NFE2L1: variants seen among roughly 807,000 people sequenced by gnomAD.
NFE2L1 encodes the protein endoplasmic reticulum membrane sensor NFE2L1.
In NFE2L1, 18 loss-of-function variants were observed where a neutral mutation model predicts 61.6. The observed-to-expected ratio is 0.29, with a 90% CI of 0.20 to 0.43. NFE2L1 has a LOEUF of 0.43. NFE2L1 is among the 20% of genes least tolerant of loss of function. The probability of loss-of-function intolerance (pLI) is 1.00; values close to 1 mark genes in which losing one functional copy is unlikely to be tolerated. For missense variants in NFE2L1, 827 were observed against 973.5 expected (o/e 0.85, Z 2.00); for synonymous variants, 419 against 402.7 (o/e 1.04, Z -0.48).
intron 2 of NFE2L1, 125 bp downstream of exon 2, chr17:48,051,753 G>C: frequency 8.1e-7 from 1 of 1,229,260 alleles, no homozygotes; most frequent in Non-Finnish European, 1.1e-6. Context: ...CTCAGGCACT[G>C]TTCTTGGGTA....
At chr17:48,050,543 T>A in intron 1 of NFE2L1, 64 bp from the exon 2 acceptor site, 1 of 404,916 alleles carries the variant, frequency 2.5e-6, no homozygotes, top group Non-Finnish European at 4.4e-6. Flanking sequence ...AAGGTTTTCC[T>A]ACCCTGATCA....
Position 48,051,167 on chromosome 17 carries a change from A to G in NFE2L1, c.49A>G (p.Ile17Val), listed in dbSNP as rs2037238864. ...AACGGAAGGACTTCTCCAGTTCACC[A>G]TTCTGCTGAGTTTGATTGGGGTACG... Reference protein sequence around the residue: ...YLTEGLLQFTILLSLIGVRVD... With the variant: ...YLTEGLLQFTVLLSLIGVRVD... Residue 17 changes from isoleucine to valine, a missense_variant, in exon 2 of 6, where the codon ATT becomes GTT. Ile to Val is a conservative substitution (Grantham distance 29, BLOSUM62 3). Transcript: ENST00000362042. The G allele has an allele frequency of 6.2e-7, 1 of 1,614,032 alleles. No homozygotes were observed. Among genetic ancestry groups the G allele is most frequent in the South Asian group, 1.1e-5 (1 of 91,084 alleles).
intron 2 of NFE2L1, among the ~76,000 whole-genome samples, chr17:48,053,126 C>T (rs1198646096): frequency 6.6e-6 from 1 of 152,136 alleles, no homozygotes; most frequent in Non-Finnish European, 1.5e-5. Flanking sequence ...GGGTAGCTCC[C>T]CCAGGGGTGG....
rs764894409 is a variant in NFE2L1 at position 48,051,310 on chromosome 17, C to G, written c.192C>G (p.Gly64=). Residue 64 remains glycine, a synonymous_variant, in exon 2 of 6, where the codon GGC becomes GGG. Transcript: ENST00000362042. Reference sequence around the variant, plus strand: ...ACAACCTGAGGAATACCTTGGATGGCTATGGTATCCACCCCAAGAGCATAG... The same window carrying G: ...ACAACCTGAGGAATACCTTGGATGGGTATGGTATCCACCCCAAGAGCATAG... ...QFHNLRNTLD[G]YGIHPKSIDL... is the part of the protein sequence containing the mutation. The G allele has an allele frequency of 1.2e-6, 2 of 1,613,992 alleles. No homozygotes were observed. Among genetic ancestry groups the G allele is most frequent in the Non-Finnish European group, 1.7e-6 (2 of 1,180,038 alleles).
chr17:48,057,653 T>C, intron 5 of NFE2L1, 151 bp downstream of exon 5: 1 of 1,026,546 alleles, frequency 9.7e-7, no homozygotes, highest in African/African-American at 1.6e-5. Context: ...TGTCCAGGTG[T>C]GTCCTTGGGG....
rs2037488755 is a variant in NFE2L1 at position 48,059,372 on chromosome 17, C to T, written c.2050C>T (p.Arg684Cys). Residue 684 changes from arginine (R) to cysteine (C), a missense_variant, in exon 6 of 6, where the codon CGT becomes TGT. Around this residue, in one of 3 missense-constraint regions of NFE2L1, gnomAD observed 74 missense variants for 127.8 expected, o/e 0.58. Coordinates refer to ENST00000362042, the MANE Select transcript of NFE2L1 (RefSeq NM_003204.3). The surrounding 1 kb of genome is among the most constrained non-coding windows in gnomAD (Gnocchi z 6.1). ...GCTGGACACCATCCTGAATCTGGAGCGTGATGTGGAGGACCTGCAGCGTGA... is the reference window on the plus strand; with the variant it reads ...GCTGGACACCATCCTGAATCTGGAGTGTGATGTGGAGGACCTGCAGCGTGA... ...RKLDTILNLE[R>C]DVEDLQRDKA... The T allele has an allele frequency of 2.5e-6, 4 of 1,614,160 alleles. No individual in the cohort carries two copies. Among genetic ancestry groups the T allele is most frequent in the Non-Finnish European group, 3.4e-6 (4 of 1,180,034 alleles).
rs747347847 is a variant in NFE2L1, at chr17:48,059,057, A to G, written c.1735A>G (p.Met579Val). Residue 579 changes from methionine to valine, a missense_variant, in exon 6 of 6, where the codon ATG (methionine) becomes GTG (valine). By Grantham distance (21) the Met-to-Val change is conservative (BLOSUM62 1). Transcript: ENST00000362042. The surrounding 1 kb of genome is among the most constrained non-coding windows in gnomAD (Gnocchi z 6.1). ...EHVGHNHTYNMAPSALDSADL... is the reference protein window; with the variant it reads ...EHVGHNHTYNVAPSALDSADL... ...CGTGGGCCACAACCACACATACAAC[A>G]TGGCACCCAGTGCCCTGGACTCAGC... 57 of 1,613,876 alleles carry G rather than the reference A, an allele frequency of 3.5e-5. No individual in the cohort carries two copies. Among genetic ancestry groups the G allele is most frequent in the Non-Finnish European group, 4.7e-5 (56 of 1,180,004 alleles).
At position 48,050,613 on chromosome 17, in the gene NFE2L1, C is replaced by G; in HGVS notation, c.-506C>G. The G allele has an allele frequency of 2.4e-6, 1 of 408,708 alleles. No homozygotes were observed. Among genetic ancestry groups the G allele is most frequent in the Non-Finnish European group, 4.3e-6 (1 of 230,978 alleles). 25.3% of individuals were successfully genotyped at this position (408,708 alleles called of 1,614,324 possible). A position where few individuals can be genotyped will look rare whatever the true frequency, so the allele number is the denominator to read the frequency against. On this transcript the variant is annotated 5_prime_UTR_variant, in exon 2 of 6. Transcript: ENST00000362042. ...TTTGTGATTCCCATTTCAGGTTTCT[C>G]TGGAAACCCCCCTGGTAAGTGTGGA... is the stretch of plus-strand genomic sequence containing the variant.
At position 48,050,128 on chromosome 17, in the gene NFE2L1, G is replaced by A. The variant is rs184057508; in HGVS notation, c.-512-479G>A. ...TTTCTTTGATAGTTCTTCTATGATCGGTTGCTATATTTTGGGTTTTTTTTC... is the reference window on the plus strand; with the variant it reads ...TTTCTTTGATAGTTCTTCTATGATCAGTTGCTATATTTTGGGTTTTTTTTC... On this transcript the variant is annotated intron_variant, in intron 1 of 5. Transcript: ENST00000362042. Among the ~76,000 whole-genome samples, 130 of 152,280 alleles carry A rather than the reference G, an allele frequency of 8.5e-4. No individual in the cohort carries two copies. The South Asian group carries it at 9.9e-3, about 12-fold the overall frequency.
rs1358620562 is a variant in NFE2L1, at chr17:48,059,856, C to CG, written c.*217dup. 1 of 626,666 alleles carries CG rather than the reference C, an allele frequency of 1.6e-6. No individual in the cohort carries two copies. Among genetic ancestry groups the CG allele is most frequent in the East Asian group, 2.9e-5 (1 of 34,704 alleles). 38.8% of individuals were successfully genotyped at this position (626,666 alleles called of 1,614,324 possible). On this transcript the variant is annotated 3_prime_UTR_variant, in exon 6 of 6. Transcript: ENST00000362042. This position sits in a 1 kb window ranked among gnomAD's most constrained non-coding sequence, Gnocchi z 6.1. ...AGTGGAAGTGGCCAGACCATTTAGACGGACAGGGTCCTCACCCTACCCCTT... is the reference window on the plus strand; with the variant it reads ...AGTGGAAGTGGCCAGACCATTTAGACGGGACAGGGTCCTCACCCTACCCCTT...
At chr17:48,053,735 G>A (rs2037315424) in intron 2 of NFE2L1, among the ~76,000 whole-genome samples, 1 of 152,190 alleles carries the variant, frequency 6.6e-6, no homozygotes, top group Admixed American at 6.5e-5. Flanking sequence ...AACCAATCCA[G>A]GGAGTCTGAA....
At chr17:48,056,037 A>C in intron 2 of NFE2L1, 1 of 250,326 alleles carries the variant, frequency 4.0e-6, no homozygotes, top group Non-Finnish European at 7.8e-6. Context: ...CCCCAAAGCT[A>C]GAGGTGTCTC....
chr17:48,051,705 C>G lies in NFE2L1; in HGVS notation c.510+77C>G. 5 of 1,521,010 alleles carry G rather than the reference C, an allele frequency of 3.3e-6. No individual in the cohort carries two copies. The South Asian group carries it at 5.1e-5, about 16-fold the overall frequency. The allele number at this position is 1,521,010 out of a possible 1,614,324, so 94.2% of individuals were successfully genotyped here. On this transcript the variant is annotated intron_variant, in intron 2 of 5. Transcript: ENST00000362042. ...GTCCCAAAGGATTGTGGTCAGAACACTGAGCCCTGTAAAGAGCCAGACAGG... is the reference window on the plus strand; with the variant it reads ...GTCCCAAAGGATTGTGGTCAGAACAGTGAGCCCTGTAAAGAGCCAGACAGG...
At position 48,051,024 on chromosome 17, in the gene NFE2L1, G is replaced by A. The variant is rs757195272; in HGVS notation, c.-95G>A. On this transcript the variant is annotated 5_prime_UTR_variant, in exon 2 of 6. Transcript: ENST00000362042. ...GGTACGGGGTTTGACACTGAGGAGG[G>A]TAACCTGCTGGCTGGAGCGGCAGAG... The A allele has an allele frequency of 1.3e-6, 2 of 1,507,076 alleles. No homozygotes were observed. The highest frequency in any genetic ancestry group is 1.8e-6 in the Non-Finnish European group (2 of 1,098,936). The allele number at this position is 1,507,076 out of a possible 1,614,324, so 93.4% of individuals were successfully genotyped here.
In NFE2L1 at chr17:48,058,447, C is replaced by T; in HGVS notation, c.1125C>T (p.Phe375=). The part of the protein sequence containing the change: ...QASLGGCSQD[F]LLFSPEVESL... ...CCCTGGGGGGCTGCAGCCAGGACTT[C>T]TTACTCTTCAGCCCCGAGGTGGAAA... Residue 375 remains phenylalanine, a synonymous_variant, in exon 6 of 6, where the codon TTC becomes TTT. Transcript: ENST00000362042. The T allele has an allele frequency of 9.9e-6, 16 of 1,614,186 alleles. No homozygotes were observed. The highest frequency in any genetic ancestry group is 2.2e-5 in the East Asian group (1 of 44,894).
Position 48,061,496 on chromosome 17 carries a change from T to C in NFE2L1, c.*1855T>C, listed in dbSNP as rs2037546972. 1 of 152,224 alleles carries C rather than the reference T, an allele frequency of 6.6e-6. No individual in the cohort carries two copies. Among genetic ancestry groups the C allele is most frequent in the Non-Finnish European group, 1.5e-5 (1 of 68,050 alleles). 9.4% of individuals were successfully genotyped at this position (152,224 alleles called of 1,614,324 possible). ...GGATGATTCATTCTTAAGTGCACTT[T>C]TTCCCCACTTTGAATTTAAATTGAG... On this transcript the variant is annotated 3_prime_UTR_variant, in exon 6 of 6. Transcript: ENST00000362042.
chr17:48,049,607 G>A (rs1376896689), intron 1 of NFE2L1, among the ~76,000 whole-genome samples: 2 of 152,168 alleles, frequency 1.3e-5, no homozygotes, highest in African/African-American at 4.8e-5. Context: ...TGTTCAGGCT[G>A]GTCTCAAACT....
chr17:48,056,882 CTGT>C, intron 3 of NFE2L1, 147 bp from the exon 4 acceptor site: 1 of 769,840 alleles, frequency 1.3e-6, no homozygotes, highest in Non-Finnish European at 2.1e-6. Context: ...TCACTCTCTT[CTGT>C]TGTTTCTGGG....
chr17:48,058,525 T>C lies in NFE2L1; in HGVS notation c.1203T>C (p.Ser401=), dbSNP rs1446888923. Residue 401 remains serine, a synonymous_variant, in exon 6 of 6, where the codon TCT becomes TCC. Coordinates refer to ENST00000362042, the MANE Select transcript of NFE2L1 (RefSeq NM_003204.3). Reference sequence around the variant, plus strand: ...TGCTCCCGTTGGCCCCCAGCAATTCTACCAGCCTCAACTCCACCTTCGGCT... The same window carrying C: ...TGCTCCCGTTGGCCCCCAGCAATTCCACCAGCCTCAACTCCACCTTCGGCT... The part of the protein sequence containing the change: ...STLLPLAPSN[S]TSLNSTFGST... The C allele has an allele frequency of 1.2e-6, 2 of 1,613,270 alleles. No homozygotes were observed. The highest frequency in any genetic ancestry group is 1.3e-5 in the African/African-American group (1 of 74,928).
Sources: gnomAD v4.1 joint callset for allele counts (sites outside exome capture counted in the v4.1 genomes callset) on GRCh38, gnomAD v4.1.1 for gene constraint, gnomAD v4.1.1 regional missense constraint, Gnocchi (gnomAD v3.1) non-coding constraint, MANE v1.5 for transcripts, NCBI Gene and HGNC (gene_info 2026-07-23, HGNC 2026-07-21) for gene names.